The following DIP2A variants were observed in gnomAD, a reference collection of about 807,000 sequenced individuals.
DIP2A encodes the protein DIP2 acetate--CoA ligase A, also known as disco-interacting protein 2 homolog A.
A neutral mutation model predicts 177.4 loss-of-function variants in DIP2A; 85 were observed. The observed-to-expected ratio is 0.48, with a 90% CI of 0.40 to 0.57. DIP2A has a LOEUF of 0.57. Among genes scored for constraint, DIP2A ranks in the 20% least tolerant of loss-of-function variants. The probability of loss-of-function intolerance (pLI) is 0.00; values close to 1 mark genes in which losing one functional copy is unlikely to be tolerated. For missense variants in DIP2A, 1,791 were observed against 2,100.2 expected (o/e 0.85, Z 2.88); for synonymous variants, 886 against 881.8 (o/e 1.00, Z -0.08).
intron 9 of DIP2A, among the ~76,000 whole-genome samples, chr21:46,531,912 C>T (rs1237354377): frequency 6.6e-6 from 1 of 152,170 alleles, no homozygotes; most frequent in Non-Finnish European, 1.5e-5. Context: ...ACAAAGTCAG[C>T]ACTTATTGGT....
intron 7 of DIP2A, 142 bp from the exon 8 acceptor site, chr21:46,511,275 G>C: frequency 2.3e-6 from 2 of 865,500 alleles, no homozygotes; most frequent in Admixed American, 2.9e-5. Flanking sequence ...CGGTGACTGT[G>C]ATGCAAAAAT....
At chr21:46,540,385 C>T (rs1020604482) in intron 17 of DIP2A, among the ~76,000 whole-genome samples, 4 of 152,226 alleles carry the variant, frequency 2.6e-5, no homozygotes, top group Admixed American at 6.5e-5. Flanking sequence ...GCTTAGTGCC[C>T]GGCCACCCAC....
rs900756530 is a variant in DIP2A, at chr21:46,569,568, G to T, written c.*1946G>T. 1.3e-5 allele frequency: 2 copies of T among 152,044 alleles called. 1 individual carries two copies. Among genetic ancestry groups the T allele is most frequent in the African/African-American group, 4.8e-5 (2 of 41,402 alleles). The allele number at this position is 152,044 out of a possible 1,614,324, so 9.4% of individuals were successfully genotyped here. Reference sequence around the variant, plus strand: ...AATTGTCAGCTTTTTGTATTGAAAGGTCAGTGGTGGTAAGACAAGGTGTCT... The same window carrying T: ...AATTGTCAGCTTTTTGTATTGAAAGTTCAGTGGTGGTAAGACAAGGTGTCT... On this transcript the variant is annotated 3_prime_UTR_variant, in exon 38 of 38. Transcript: ENST00000417564.
rs1480984312 is a variant in DIP2A at position 46,547,200 on chromosome 21, A to G, written c.2522+158A>G. The G allele has an allele frequency of 3.5e-6, 5 of 1,421,854 alleles. No individual in the cohort carries two copies. The Admixed American group carries it at 1.1e-4, about 32-fold the overall frequency. 88.1% of individuals were successfully genotyped at this position (1,421,854 alleles called of 1,614,324 possible). On this transcript the variant is annotated intron_variant, in intron 21 of 37. Coordinates refer to ENST00000417564, the MANE Select transcript of DIP2A (RefSeq NM_015151.4). ...CCTAAAGTAAAAGGAAAATATTTGC[A>G]GCAATGATACCAGAGTTAATATCCT...
At chr21:46,566,824 T>C in intron 37 of DIP2A, 141 bp downstream of exon 37, 1 of 1,127,794 alleles carries the variant, frequency 8.9e-7, no homozygotes, top group East Asian at 2.5e-5. Flanking sequence ...TGGTCTGCAG[T>C]GGAGCTGGGT....
At chr21:46,547,073 T>A in intron 21 of DIP2A, 31 bp downstream of exon 21, 1 of 1,601,248 alleles carries the variant, frequency 6.2e-7, no homozygotes, top group Admixed American at 1.7e-5. Flanking sequence ...ACGCCGGGAG[T>A]AGATTCCTTC....
intron 8 of DIP2A, among the ~76,000 whole-genome samples, chr21:46,523,418 T>TTTTTTTTTTTTTTTC (rs57566462): frequency 7.9e-6 from 1 of 126,250 alleles, no homozygotes; most frequent in African/African-American, 2.9e-5. Flanking sequence ...TTTTTTTTTT[T>TTTTTTTTTTTTTTTC]GTATTTTTAG....
Position 46,567,834 on chromosome 21 carries a change from C to G in DIP2A, c.*212C>G, listed in dbSNP as rs1018597363. On this transcript the variant is annotated 3_prime_UTR_variant, in exon 38 of 38. Transcript: ENST00000417564. ...TCTGCCAAGTACATTTACAAAAACA[C>G]GGATGCTGGTATTTTAACAGATGGA... The G allele has an allele frequency of 2.0e-6, 1 of 509,838 alleles. No homozygotes were observed. Among genetic ancestry groups the G allele is most frequent in the African/African-American group, 2.0e-5 (1 of 51,198 alleles). The allele number at this position is 509,838 out of a possible 1,614,324, so 31.6% of individuals were successfully genotyped here. A position where few individuals can be genotyped will look rare whatever the true frequency, so the allele number is the denominator to read the frequency against.
At position 46,538,475 on chromosome 21, in the gene DIP2A, C is replaced by A; in HGVS notation, c.1802-8C>A. On this transcript the variant is annotated splice_polypyrimidine_tract_variant and splice_region_variant and intron_variant, in intron 15 of 37. Transcript: ENST00000417564. The stretch of plus-strand genomic sequence containing the variant: ...CGCAGGGATGTCTGTGCCATCCTCT[C>A]TCTGCAGCTCGGGCCGCGCTGGTGA... 1 of 1,542,906 alleles carries A rather than the reference C, an allele frequency of 6.5e-7. No homozygotes were observed. The highest frequency in any genetic ancestry group is 1.2e-5 in the South Asian group (1 of 84,050).
At chr21:46,488,998 A>C (rs1243574682) in intron 2 of DIP2A, among the ~76,000 whole-genome samples, 5 of 152,174 alleles carry the variant, frequency 3.3e-5, no homozygotes, top group African/African-American at 1.2e-4. Context: ...GTGAACTTTA[A>C]AGTTGTTTTA....
At position 46,551,682 on chromosome 21, in the gene DIP2A, G is replaced by C; in HGVS notation, c.2888G>C (p.Arg963Thr). The C allele has an allele frequency of 6.2e-7, 1 of 1,614,028 alleles. No individual in the cohort carries two copies. The highest frequency in any genetic ancestry group is 1.7e-5 in the Admixed American group (1 of 60,026). Residue 963 changes from arginine (R) to threonine (T), a missense_variant, in exon 24 of 38, where the codon AGA becomes ACA. Coordinates refer to ENST00000417564, the MANE Select transcript of DIP2A (RefSeq NM_015151.4). ...GTGGGGAACCTGGTTGCTGGGAAGA[G>C]AATCGCTCAGGCTTCCGGGAGAGAG... ...MIVGNLVAGK[R>T]IAQASGRELA... is the part of the protein sequence containing the mutation.
chr21:46,534,516 C>G (rs200591697), intron 12 of DIP2A, 69 bp from the exon 13 acceptor site: 501 of 1,416,464 alleles, frequency 3.5e-4, no homozygotes, highest in Non-Finnish European at 4.2e-4. Flanking sequence ...AAGATTCTAC[C>G]AGTTTCCATT....
rs2060499426 is a variant in DIP2A at position 46,557,231 on chromosome 21, T to C, written c.3629+162T>C. ...AGTGGGTTGGAGTCTGAGTCTGAAA[T>C]TGAGTGAAAATACATTTTTCATTAA... On this transcript the variant is annotated intron_variant, in intron 30 of 37. Coordinates refer to ENST00000417564, the MANE Select transcript of DIP2A (RefSeq NM_015151.4). This position sits in a 1 kb window ranked among gnomAD's most constrained non-coding sequence, Gnocchi z 6.0. 2.6e-6 allele frequency: 2 copies of C among 776,902 alleles called. No individual in the cohort carries two copies. Among genetic ancestry groups the C allele is most frequent in the East Asian group, 2.7e-5 (1 of 36,838 alleles). 48.1% of individuals were successfully genotyped at this position (776,902 alleles called of 1,614,324 possible). A position where few individuals can be genotyped will look rare whatever the true frequency, so the allele number is the denominator to read the frequency against.
At chr21:46,467,106 C>G (rs772888117) in intron 1 of DIP2A, among the ~76,000 whole-genome samples, 20 of 151,800 alleles carry the variant, frequency 1.3e-4, no homozygotes, top group Non-Finnish European at 2.1e-4. Context: ...ACCATCCTGG[C>G]TAACACAGCG....
intron 32 of DIP2A, 21 bp from the exon 33 acceptor site, chr21:46,560,701 C>T (rs1200791872): frequency 2.5e-6 from 4 of 1,600,376 alleles, no homozygotes; most frequent in Non-Finnish European, 3.4e-6. Context: ...AACAGAAGTT[C>T]CTCTGCTGCT....
At position 46,569,414 on chromosome 21, in the gene DIP2A, G is replaced by A. The variant is rs2060920687; in HGVS notation, c.*1792G>A. 1 of 150,748 alleles carries A rather than the reference G, an allele frequency of 6.6e-6. No homozygotes were observed. The highest frequency in any genetic ancestry group is 2.4e-5 in the African/African-American group (1 of 40,940). The allele number at this position is 150,748 out of a possible 1,614,324, so 9.3% of individuals were successfully genotyped here. On this transcript the variant is annotated 3_prime_UTR_variant, in exon 38 of 38. Transcript: ENST00000417564. ...ATGTACAGAATCTATGTAACTTATTGTTGACATACAGAGGTTTGGGAAGTA... is the reference window on the plus strand; with the variant it reads ...ATGTACAGAATCTATGTAACTTATTATTGACATACAGAGGTTTGGGAAGTA...
At chr21:46,539,847 C>T (rs938066117) in intron 16 of DIP2A, 30 bp from the exon 17 acceptor site, 1 of 1,570,448 alleles carries the variant, frequency 6.4e-7, no homozygotes, top group African/African-American at 1.4e-5. Context: ...CCAGTTAGTG[C>T]TGGCGTTCCA....
intron 22 of DIP2A, 95 bp downstream of exon 22, chr21:46,549,980 G>A: frequency 2.5e-6 from 4 of 1,569,532 alleles, no homozygotes; most frequent in Admixed American, 1.8e-5. Flanking sequence ...GTCCCGCCCG[G>A]TCCTCCCTGG....
chr21:46,536,487 G>A (rs919817502), intron 13 of DIP2A, among the ~76,000 whole-genome samples: 2 of 152,342 alleles, frequency 1.3e-5, no homozygotes, highest in South Asian at 2.1e-4. Flanking sequence ...GCCGGATCAC[G>A]GCCTCTGGGT....
Sources: allele counts gnomAD v4.1 joint callset (sites outside exome capture counted in the v4.1 genomes callset), GRCh38; gene constraint gnomAD v4.1.1; non-coding constraint Gnocchi (gnomAD v3.1); transcripts MANE v1.5; gene names NCBI Gene and HGNC (gene_info 2026-07-23, HGNC 2026-07-21).